The following ZBTB49 variants were observed in gnomAD, a reference collection of about 807,000 sequenced individuals.
ZBTB49 encodes the protein zinc finger and BTB domain-containing protein 49.
A neutral mutation model predicts 57.5 loss-of-function variants in ZBTB49; 43 were observed. The observed-to-expected ratio is 0.75, with a 90% CI of 0.59 to 0.97. The LOEUF (loss-of-function observed/expected upper bound fraction) is 0.97. Among genes scored for constraint, ZBTB49 ranks in the 50% least tolerant of loss-of-function variants. The pLI is 0.00. For synonymous variants in ZBTB49, 369 were observed against 362.1 expected, an observed-to-expected ratio of 1.02 and a Z score of -0.22; for missense variants, 938 against 947.7, an observed-to-expected ratio of 0.99 and a Z score of 0.13.
intron 4 of ZBTB49, among the ~76,000 whole-genome samples, chr4:4,308,203 A>G (rs767041097): frequency 1.3e-5 from 2 of 152,142 alleles, no homozygotes; most frequent in African/African-American, 2.4e-5. Context: ...TTAGCCTCCC[A>G]AGTAGCTGGG....
intron 1 of ZBTB49, among the ~76,000 whole-genome samples, chr4:4,293,790 C>T (rs1326725072): frequency 2.0e-5 from 3 of 152,216 alleles, no homozygotes; most frequent in Non-Finnish European, 4.4e-5. Context: ...TCTAGCTGGG[C>T]ATCTTACAGG....
chr4:4,320,939 G>T lies in ZBTB49; in HGVS notation c.1921G>T (p.Val641Leu). 6.2e-7 allele frequency: 1 copy of T among 1,614,226 alleles called. No homozygotes were observed. Among genetic ancestry groups the T allele is most frequent in the Non-Finnish European group, 8.5e-7 (1 of 1,180,042 alleles). Residue 641 changes from valine (V) to leucine (L), a missense_variant, in exon 8 of 8, where the codon GTG becomes TTG. By Grantham distance (32) the Val-to-Leu change is conservative. This residue lies in a region of ZBTB49 where 835 missense variants were observed against 819.1 expected (regional missense o/e 1.02). Coordinates refer to ENST00000337872, the MANE Select transcript of ZBTB49 (RefSeq NM_145291.4). ...KLPVHPVENS[V>L]AEFDSHSGGS... is the part of the protein sequence containing the mutation. ...CCCTGTCCACCCAGTGGAAAATTCTGTGGCAGAATTTGATAGCCACTCTGG... is the reference window on the plus strand; with the variant it reads ...CCCTGTCCACCCAGTGGAAAATTCTTTGGCAGAATTTGATAGCCACTCTGG...
intron 2 of ZBTB49, 29 bp downstream of exon 2, chr4:4,300,126 C>A (rs1463928841): frequency 3.7e-6 from 6 of 1,611,086 alleles, no homozygotes; most frequent in Non-Finnish European, 5.1e-6. Flanking sequence ...ATTCTCCTAG[C>A]TGTGAATTAA....
chr4:4,311,015 A>G (rs1402478711), intron 4 of ZBTB49, among the ~76,000 whole-genome samples: 2 of 152,182 alleles, frequency 1.3e-5, no homozygotes, highest in African/African-American at 2.4e-5. Context: ...GATTTTTTGC[A>G]TGGCCCATTC....
intron 7 of ZBTB49, among the ~76,000 whole-genome samples, chr4:4,317,521 G>T (rs1465172666): frequency 2.6e-5 from 4 of 152,066 alleles, no homozygotes; most frequent in African/African-American, 9.7e-5. Flanking sequence ...CACTCATCTA[G>T]GTTCTGTCTC....
At chr4:4,296,701 G>A (rs1441940501) in intron 1 of ZBTB49, among the ~76,000 whole-genome samples, 3 of 152,212 alleles carry the variant, frequency 2.0e-5, no homozygotes, top group Non-Finnish European at 4.4e-5. Flanking sequence ...GTAAAGTGGG[G>A]CATGTAGATA....
At chr4:4,304,225 A>ATT (rs35865014) in intron 3 of ZBTB49, among the ~76,000 whole-genome samples, 53 of 135,676 alleles carry the variant, frequency 3.9e-4, no homozygotes, top group African/African-American at 1.0e-3. Context: ...GATTACTGCA[A>ATT]TTTTTTTTTT....
At chr4:4,309,214 A>G (rs1720870886) in intron 4 of ZBTB49, among the ~76,000 whole-genome samples, 1 of 152,208 alleles carries the variant, frequency 6.6e-6, no homozygotes, top group South Asian at 2.1e-4. Context: ...CATTATGAGG[A>G]TGGCATGCCA....
intron 1 of ZBTB49, 118 bp from the exon 2 acceptor site, chr4:4,299,809 G>GTGTT: frequency 1.3e-6 from 1 of 769,310 alleles, no homozygotes; most frequent in Non-Finnish European, 1.9e-6. Context: ...GTGTGTGTGT[G>GTGTT]TGAGAGAGAA....
chr4:4,321,541 C>T lies in ZBTB49; in HGVS notation c.*225C>T. The T allele has an allele frequency of 1.7e-6, 1 of 572,970 alleles. No homozygotes were observed. The highest frequency in any genetic ancestry group is 3.1e-6 in the Non-Finnish European group (1 of 327,068). 35.5% of individuals were successfully genotyped at this position (572,970 alleles called of 1,614,324 possible). A position where few individuals can be genotyped will look rare whatever the true frequency, so the allele number is the denominator to read the frequency against. On this transcript the variant is annotated 3_prime_UTR_variant, in exon 8 of 8. Coordinates refer to ENST00000337872, the MANE Select transcript of ZBTB49 (RefSeq NM_145291.4). ...CAGCCGCGGGAGGGAGCGCTGACGT[C>T]ACAGAAGCGAAGGCTTGATGCTGTC...
chr4:4,316,107 T>TC, intron 7 of ZBTB49, 137 bp downstream of exon 7: 1 of 1,158,864 alleles, frequency 8.6e-7, no homozygotes, highest in Non-Finnish European at 1.2e-6. Context: ...ACATGATCTC[T>TC]CATTCATTCC....
Position 4,303,760 on chromosome 4 carries a change from C to CTCTCTCTCTCTCTCTGTGTGTGTGTGTG in ZBTB49, c.1255+670_1255+671insCTCTCTCTCTCTCTGTGTGTGTGTGTGT, listed in dbSNP as rs1223289249. 6.1e-4 allele frequency among the ~76,000 whole-genome samples: 74 copies of CTCTCTCTCTCTCTCTGTGTGTGTGTGTG among 121,378 alleles called. 1 individual carries two copies. The highest frequency in any genetic ancestry group is 2.4e-3 in the African/African-American group (71 of 30,092). The allele number at this position is 121,378 out of a possible 152,430, so 79.6% of individuals were successfully genotyped here. A position where few individuals can be genotyped will look rare whatever the true frequency, so the allele number is the denominator to read the frequency against. On this transcript the variant is annotated intron_variant, in intron 3 of 7. Transcript: ENST00000337872. ...TCTCTCTCTCTCTCTCTCTCTCTCT[C>CTCTCTCTCTCTCTCTGTGTGTGTGTGTG]TGTGTGTGTGTCTCTCTCTCTCTCT...
At chr4:4,291,031 G>A (rs1434204190) in intron 1 of ZBTB49, among the ~76,000 whole-genome samples, 2 of 152,340 alleles carry the variant, frequency 1.3e-5, no homozygotes, top group South Asian at 2.1e-4. Context: ...ATGAATGAAA[G>A]TTGAGTGGAG....
intron 1 of ZBTB49, among the ~76,000 whole-genome samples, chr4:4,296,446 C>G (rs1337824183): frequency 1.3e-5 from 2 of 152,196 alleles, no homozygotes; most frequent in African/African-American, 2.4e-5. Flanking sequence ...TGAATGAGAT[C>G]TGATAGTTTT....
chr4:4,310,408 AC>A (rs1720934173), intron 4 of ZBTB49, among the ~76,000 whole-genome samples: 1 of 152,200 alleles, frequency 6.6e-6, no homozygotes, highest in South Asian at 2.1e-4. Flanking sequence ...GCTTTACAAG[AC>A]ATTGTGATGA....
chr4:4,307,496 A>G (rs1322451294), intron 4 of ZBTB49, among the ~76,000 whole-genome samples: 1 of 152,216 alleles, frequency 6.6e-6, no homozygotes, highest in African/African-American at 2.4e-5. Flanking sequence ...AAACACGGAT[A>G]ACAAGATTAG....
intron 4 of ZBTB49, among the ~76,000 whole-genome samples, chr4:4,311,794 CTT>C (rs1720990936): frequency 6.6e-6 from 1 of 152,190 alleles, no homozygotes; most frequent in Non-Finnish European, 1.5e-5. Context: ...TTGTCAAACT[CTT>C]TCTCTTTGGT....
intron 5 of ZBTB49, 90 bp from the exon 6 acceptor site, chr4:4,315,546 G>A (rs1191882447): frequency 7.9e-7 from 1 of 1,261,138 alleles, no homozygotes; most frequent in African/African-American, 1.5e-5. Flanking sequence ...AGTGTCAGGA[G>A]CAGGTATCTC....
At position 4,315,989 on chromosome 4, in the gene ZBTB49, CT is replaced by C; in HGVS notation, c.1621+20del. 4 of 1,612,420 alleles carry C rather than the reference CT, an allele frequency of 2.5e-6. No individual in the cohort carries two copies. Among genetic ancestry groups the C allele is most frequent in the Non-Finnish European group, 3.4e-6 (4 of 1,179,078 alleles). ...GCCTGCGGTGAGTTTGGGTTTCTGGCTGTCCCCTAGTCATCTGTGTGTGGGA... is the reference window on the plus strand; with the variant it reads ...GCCTGCGGTGAGTTTGGGTTTCTGGCGTCCCCTAGTCATCTGTGTGTGGGA... On this transcript the variant is annotated intron_variant, in intron 7 of 7. Coordinates refer to ENST00000337872, the MANE Select transcript of ZBTB49 (RefSeq NM_145291.4).
Sources: allele counts gnomAD v4.1 joint callset (sites outside exome capture counted in the v4.1 genomes callset), GRCh38; gene constraint gnomAD v4.1.1; regional missense constraint gnomAD v4.1.1; transcripts MANE v1.5; gene names NCBI Gene and HGNC (gene_info 2026-07-23, HGNC 2026-07-21).